ALCAM: variants seen among roughly 807,000 people sequenced by gnomAD.
ALCAM encodes the protein activated leukocyte cell adhesion molecule.
ALCAM carries 30 observed loss-of-function variants against 70.9 expected under a neutral mutation model. The observed-to-expected ratio is 0.42, with a 90% CI of 0.32 to 0.57. ALCAM has a LOEUF of 0.57. ALCAM is among the 20% of genes least tolerant of loss of function. ALCAM has a pLI of 0.11. For missense variants in ALCAM, 591 were observed against 695.1 expected (o/e 0.85, Z 1.68); for synonymous variants, 249 against 242.5 (o/e 1.03, Z -0.25).
intron 1 of ALCAM, among the ~76,000 whole-genome samples, chr3:105,457,111 T>C (rs1457158961): frequency 6.6e-6 from 1 of 152,220 alleles, no homozygotes. Context: ...ATTTATGCTC[T>C]GCCTTATGCT....
intron 1 of ALCAM, among the ~76,000 whole-genome samples, chr3:105,470,074 C>A (rs920063069): frequency 6.8e-6 from 1 of 146,858 alleles, no homozygotes; most frequent in Non-Finnish European, 1.5e-5. Context: ...CCATACCATA[C>A]ACACACATTT....
intron 1 of ALCAM, among the ~76,000 whole-genome samples, chr3:105,381,175 G>A (rs768645214): frequency 6.6e-6 from 1 of 151,932 alleles, no homozygotes; most frequent in Non-Finnish European, 1.5e-5. Flanking sequence ...GTGGTTGTCA[G>A]TAGTAAGCTC....
intron 1 of ALCAM, among the ~76,000 whole-genome samples, chr3:105,383,994 C>T (rs1935589389): frequency 6.6e-6 from 1 of 151,544 alleles, no homozygotes; most frequent in Non-Finnish European, 1.5e-5. Context: ...GCAGATTGAT[C>T]AGTCACGCAG....
intron 1 of ALCAM, among the ~76,000 whole-genome samples, chr3:105,442,788 A>G (rs1428208910): frequency 1.3e-5 from 2 of 152,168 alleles, no homozygotes; most frequent in South Asian, 2.1e-4. Context: ...CTCAAAAAAA[A>G]AAAGAAAGAA....
rs1370390813 is a variant in ALCAM at position 105,514,738 on chromosome 3, G to A, written c.74-5329G>A. 2.0e-5 allele frequency among the ~76,000 whole-genome samples: 3 copies of A among 151,846 alleles called. No homozygotes were observed. The East Asian group carries it at 5.8e-4, about 29-fold the overall frequency. On this transcript the variant is annotated intron_variant, in intron 1 of 15. Transcript: ENST00000306107. The stretch of plus-strand genomic sequence containing the variant: ...AGATTATTCCACAGTGGCAAGTGGT[G>A]GGGGGAGGAGGAAGGAATAATTACT...
At chr3:105,448,061 G>A (rs1407654991) in intron 1 of ALCAM, among the ~76,000 whole-genome samples, 6 of 152,124 alleles carry the variant, frequency 3.9e-5, no homozygotes, top group African/African-American at 1.4e-4. Context: ...CAAAAAATCA[G>A]TTGGGATTAT....
At chr3:105,380,359 G>C (rs949460200) in intron 1 of ALCAM, among the ~76,000 whole-genome samples, 6 of 151,716 alleles carry the variant, frequency 4.0e-5, no homozygotes, top group Non-Finnish European at 7.4e-5. Context: ...AATTTAAATG[G>C]TTTCAATTTT....
intron 1 of ALCAM, among the ~76,000 whole-genome samples, chr3:105,496,254 G>C (rs116719187): frequency 0.019 from 2,815 of 152,118 alleles, 29 homozygotes; most frequent in Middle Eastern, 0.051. Flanking sequence ...AAATCTTTTA[G>C]TTTATATAGA....
chr3:105,521,266 A>T (rs917864148), intron 2 of ALCAM, among the ~76,000 whole-genome samples: 9 of 134,334 alleles, frequency 6.7e-5, no homozygotes, highest in African/African-American at 2.2e-4. Context: ...GCGCCACTGC[A>T]GTCCGCAGTC....
At chr3:105,557,137 A>T (rs537039029) in intron 14 of ALCAM, among the ~76,000 whole-genome samples, 42 of 152,088 alleles carry the variant, frequency 2.8e-4, no homozygotes, top group Non-Finnish European at 4.6e-4. Context: ...TTTAATTGGT[A>T]CTATGGAGGA....
chr3:105,548,056 C>A (rs1227748494), intron 11 of ALCAM, among the ~76,000 whole-genome samples: 1 of 151,476 alleles, frequency 6.6e-6, no homozygotes, highest in Middle Eastern at 3.2e-3. Context: ...CAGAATAAGG[C>A]AAGCTACATA....
chr3:105,386,412 C>T (rs1237223425), intron 1 of ALCAM, among the ~76,000 whole-genome samples: 2 of 151,476 alleles, frequency 1.3e-5, no homozygotes, highest in African/African-American at 4.8e-5. Flanking sequence ...TTACAGATTT[C>T]TTTGTTTTGT....
At chr3:105,465,702 G>T (rs781024599) in intron 1 of ALCAM, among the ~76,000 whole-genome samples, 7 of 151,098 alleles carry the variant, frequency 4.6e-5, no homozygotes, top group Admixed American at 1.3e-4. Flanking sequence ...CCTCCTACTG[G>T]TTTTTTTAAG....
At chr3:105,431,905 T>A (rs1375637168) in intron 1 of ALCAM, among the ~76,000 whole-genome samples, 1 of 152,198 alleles carries the variant, frequency 6.6e-6, no homozygotes, top group Non-Finnish European at 1.5e-5. Flanking sequence ...TGCACTCATT[T>A]TAGATTATAA....
At chr3:105,430,133 G>A (rs531929893) in intron 1 of ALCAM, among the ~76,000 whole-genome samples, 9 of 151,872 alleles carry the variant, frequency 5.9e-5, no homozygotes, top group Non-Finnish European at 1.2e-4. Flanking sequence ...ATTTTTAAAT[G>A]TATAGAAAAG....
At chr3:105,559,253 T>C (rs1435721686) in intron 14 of ALCAM, among the ~76,000 whole-genome samples, 1 of 147,994 alleles carries the variant, frequency 6.8e-6, no homozygotes, top group African/African-American at 2.5e-5. Context: ...ATAACATATA[T>C]ATACATATTT....
intron 14 of ALCAM, chr3:105,552,959 TG>T (rs775109050): frequency 6.8e-6 from 7 of 1,031,466 alleles, no homozygotes; most frequent in Non-Finnish European, 8.2e-6. Flanking sequence ...TTGTAGGGAC[TG>T]CCAGGTGTCT....
chr3:105,395,917 A>G (rs1935939538), intron 1 of ALCAM, among the ~76,000 whole-genome samples: 1 of 151,942 alleles, frequency 6.6e-6, no homozygotes, highest in African/African-American at 2.4e-5. Flanking sequence ...CCTCCATTTA[A>G]TAAACATAGT....
chr3:105,396,733 T>C (rs1401533106), intron 1 of ALCAM, among the ~76,000 whole-genome samples: 1 of 152,044 alleles, frequency 6.6e-6, no homozygotes, highest in Non-Finnish European at 1.5e-5. Context: ...GATGGTTAAC[T>C]CTGCAAGTAG....
Sources: gnomAD v4.1 joint callset for allele counts (sites outside exome capture counted in the v4.1 genomes callset) on GRCh38, gnomAD v4.1.1 for gene constraint, MANE v1.5 for transcripts, NCBI Gene and HGNC (gene_info 2026-07-23, HGNC 2026-07-21) for gene names.